Variants in AGBL1 observed in about 807,000 individuals in gnomAD.
AGBL1 encodes the protein AGBL carboxypeptidase 1, also known as cytosolic carboxypeptidase 4.
AGBL1 carries 130 observed loss-of-function variants against 118.9 expected under a neutral mutation model. That is an observed-to-expected ratio of 1.09 (90% CI 0.95 to 1.26). The LOEUF is 1.26. Among genes scored for constraint, AGBL1 ranks in the 50% most tolerant of loss-of-function variants. The probability of loss-of-function intolerance (pLI) is 0.00; values close to 1 mark genes in which losing one functional copy is unlikely to be tolerated. For synonymous variants in AGBL1, 555 were observed against 478.9 expected, an observed-to-expected ratio of 1.16 and a Z score of -2.08; for missense variants, 1,584 against 1,298.1, an observed-to-expected ratio of 1.22 and a Z score of -3.38.
chr15:86,369,875 A>T (rs1424087401), intron 17 of AGBL1, among the ~76,000 whole-genome samples: 1 of 152,198 alleles, frequency 6.6e-6, no homozygotes, highest in Admixed American at 6.5e-5. Context: ...AGGAGGTAGG[A>T]ACAAACCTAT....
chr15:86,435,356 C>T (rs2081989387), intron 18 of AGBL1, among the ~76,000 whole-genome samples: 1 of 152,094 alleles, frequency 6.6e-6, no homozygotes, highest in South Asian at 2.1e-4. Flanking sequence ...GAAGATATTC[C>T]ACTAAGTATT....
intron 22 of AGBL1, among the ~76,000 whole-genome samples, chr15:86,899,911 C>T (rs1408776707): frequency 6.6e-6 from 1 of 152,170 alleles, no homozygotes; most frequent in Admixed American, 6.5e-5. Context: ...GAGGCAGACC[C>T]ACCCTCAATC....
At chr15:86,608,398 G>C (rs779394808) in intron 21 of AGBL1, among the ~76,000 whole-genome samples, 1 of 152,192 alleles carries the variant, frequency 6.6e-6, no homozygotes, top group Non-Finnish European at 1.5e-5. Context: ...TAAAGTAGGG[G>C]AATGCAAGAG....
rs1176940848 is a variant in AGBL1, at chr15:86,625,365, GT to G, written c.2995-48895del. Among the ~76,000 whole-genome samples, 635 of 123,074 alleles carry G rather than the reference GT, an allele frequency of 5.2e-3. 14 individuals are homozygous for G. Among genetic ancestry groups the G allele is most frequent in the African/African-American group, 0.017 (549 of 32,286 alleles). 80.7% of individuals were successfully genotyped at this position (123,074 alleles called of 152,430 possible). On this transcript the variant is annotated intron_variant, in intron 21 of 22. Coordinates refer to ENST00000614907, the MANE Select transcript of AGBL1 (RefSeq NM_001386094.1). ...AGCCTCCAAGGTAGAAGAAATTAGC[GT>G]TTTTTTTTTTTTGTTTTTGTTTTTT... is the stretch of plus-strand genomic sequence containing the variant.
intron 21 of AGBL1, among the ~76,000 whole-genome samples, chr15:86,605,944 T>C (rs146216545): frequency 5.3e-5 from 8 of 151,978 alleles, no homozygotes; most frequent in African/African-American, 1.9e-4. Context: ...CTGGTCAACA[T>C]GGTAAAACCC....
intron 22 of AGBL1, among the ~76,000 whole-genome samples, chr15:86,841,077 G>A (rs527299330): frequency 6.6e-5 from 10 of 152,258 alleles, no homozygotes; most frequent in Admixed American, 4.6e-4. Context: ...CAAGCCCAGC[G>A]ATGCGTACAC....
chr15:86,631,598 T>C (rs2084967649), intron 21 of AGBL1, among the ~76,000 whole-genome samples: 1 of 152,212 alleles, frequency 6.6e-6, no homozygotes, highest in Non-Finnish European at 1.5e-5. Flanking sequence ...TATTTATCTC[T>C]TGCATCCTTT....
At chr15:86,721,793 G>A (rs1378821119) in intron 22 of AGBL1, among the ~76,000 whole-genome samples, 1 of 152,146 alleles carries the variant, frequency 6.6e-6, no homozygotes, top group Non-Finnish European at 1.5e-5. Context: ...AAGCTGATAG[G>A]CAACTTCAGC....
intron 22 of AGBL1, among the ~76,000 whole-genome samples, chr15:86,813,498 T>C (rs2078820462): frequency 6.6e-6 from 1 of 152,200 alleles, no homozygotes; most frequent in Non-Finnish European, 1.5e-5. Context: ...TTTTCCTGTC[T>C]TCCAAAGCAG....
chr15:86,557,336 G>A (rs549932482), intron 21 of AGBL1, among the ~76,000 whole-genome samples: 2 of 152,284 alleles, frequency 1.3e-5, no homozygotes, highest in South Asian at 2.1e-4. Flanking sequence ...TGTGACCTGA[G>A]GTCACACACG....
intron 18 of AGBL1, among the ~76,000 whole-genome samples, chr15:86,441,251 T>C (rs1490433976): frequency 1.3e-5 from 2 of 152,208 alleles, no homozygotes; most frequent in African/African-American, 4.8e-5. Context: ...TTATCACTTG[T>C]TGTTGAAGAA....
intron 5 of AGBL1, among the ~76,000 whole-genome samples, chr15:86,160,474 G>GAC (rs745396538): frequency 4.5e-4 from 68 of 152,290 alleles, no homozygotes; most frequent in Admixed American, 9.2e-4. Flanking sequence ...AGCCATGGTA[G>GAC]TGCTGGGGTG....
chr15:86,568,947 T>G (rs2083960015), intron 21 of AGBL1, among the ~76,000 whole-genome samples: 1 of 152,012 alleles, frequency 6.6e-6, no homozygotes, highest in Admixed American at 6.6e-5. Context: ...AAGTTGAAAA[T>G]AAATAATTCC....
In AGBL1 at chr15:87,000,101, G is replaced by C. The variant is rs1430367486; in HGVS notation, c.3323+12013G>C. On this transcript the variant is annotated intron_variant, in intron 24 of 24. Transcript: ENST00000441037. ...TTGGTTTTTTCTTGTAAATTTGTTT[G>C]AGTTCATTGTAGATTCTGGATATTA... Among the ~76,000 whole-genome samples, 85 of 85,222 alleles carry C rather than the reference G, an allele frequency of 1.0e-3. 6 individuals carry two copies. Among genetic ancestry groups the C allele is most frequent in the African/African-American group, 3.1e-3 (83 of 26,372 alleles). The allele number at this position is 85,222 out of a possible 152,430, so 55.9% of individuals were successfully genotyped here.
chr15:86,844,160 C>T (rs1248114948), intron 22 of AGBL1, among the ~76,000 whole-genome samples: 2 of 152,072 alleles, frequency 1.3e-5, no homozygotes, highest in East Asian at 1.9e-4. Flanking sequence ...TTGTTTACAA[C>T]TTGGGGATAT....
chr15:86,270,492 A>G (rs2079142167), intron 14 of AGBL1, among the ~76,000 whole-genome samples: 1 of 152,176 alleles, frequency 6.6e-6, no homozygotes, highest in African/African-American at 2.4e-5. Context: ...ATTCTCCTGA[A>G]TACCCGTGGC....
intron 23 of AGBL1, among the ~76,000 whole-genome samples, chr15:86,984,455 C>T (rs1034615323): frequency 5.9e-5 from 9 of 151,376 alleles, no homozygotes; most frequent in Non-Finnish European, 8.8e-5. Context: ...ACCTCCGCCC[C>T]GCTGGGTTCG....
At chr15:86,476,485 G>A (rs1185414086) in intron 18 of AGBL1, among the ~76,000 whole-genome samples, 1 of 152,078 alleles carries the variant, frequency 6.6e-6, no homozygotes, top group Non-Finnish European at 1.5e-5. Flanking sequence ...AGACAAAGAA[G>A]GCCATTACAT....
intron 21 of AGBL1, among the ~76,000 whole-genome samples, chr15:86,664,516 TTGTAAAGGTTC>T (rs1328294057): frequency 6.6e-6 from 1 of 152,176 alleles, no homozygotes; most frequent in South Asian, 2.1e-4. Flanking sequence ...TGCTGGCTCT[TTGTAAAGGTTC>T]TGAGAATGTT....
Sources: allele counts gnomAD v4.1 joint callset (sites outside exome capture counted in the v4.1 genomes callset), GRCh38; gene constraint gnomAD v4.1.1; transcripts MANE v1.5; gene names NCBI Gene and HGNC (gene_info 2026-07-23, HGNC 2026-07-21).